The following HTR1F variants were observed in gnomAD, a reference collection of about 807,000 sequenced individuals.
The protein encoded by HTR1F is 5-hydroxytryptamine receptor 1F.
HTR1F carries 17 observed loss-of-function variants against 24.0 expected under a neutral mutation model. The observed-to-expected ratio is 0.71, with a 90% CI of 0.48 to 1.06. The LOEUF (loss-of-function observed/expected upper bound fraction) is 1.06, where lower values mean the gene tolerates loss of function less well. Among genes scored for constraint, HTR1F ranks in the 50% least tolerant of loss-of-function variants. The probability of loss-of-function intolerance (pLI) is 0.00; values close to 1 mark genes in which losing one functional copy is unlikely to be tolerated. For missense variants in HTR1F, 391 were observed against 427.8 expected (o/e 0.91, Z 0.76); for synonymous variants, 186 against 156.8 (o/e 1.19, Z -1.39).
At chr3:87,913,504 T>C (rs1460048591) in intron 2 of HTR1F, among the ~76,000 whole-genome samples, 1 of 152,132 alleles carries the variant, frequency 6.6e-6, no homozygotes, top group Admixed American at 6.6e-5. Flanking sequence ...AGTTCAACCA[T>C]TGTGAAAGAC....
chr3:87,814,502 A>T (rs565478306), intron 1 of HTR1F, among the ~76,000 whole-genome samples: 9 of 152,196 alleles, frequency 5.9e-5, no homozygotes, highest in African/African-American at 2.2e-4. Context: ...TATCCAACTC[A>T]TATTTTTGTA....
chr3:87,952,493 C>T (rs77664050), intron 2 of HTR1F, among the ~76,000 whole-genome samples: 4,798 of 151,970 alleles, frequency 0.032, 102 homozygotes, highest in Non-Finnish European at 0.048. Context: ...GTGTCTTCCT[C>T]ATAAAAGTAT....
chr3:87,969,136 T>G (rs947073528), intron 2 of HTR1F, among the ~76,000 whole-genome samples: 1 of 152,200 alleles, frequency 6.6e-6, no homozygotes, highest in African/African-American at 2.4e-5. Context: ...GAAGCCCTCA[T>G]GAAGAACCTC....
At chr3:87,912,513 T>A (rs1703800264) in intron 2 of HTR1F, among the ~76,000 whole-genome samples, 1 of 150,738 alleles carries the variant, frequency 6.6e-6, no homozygotes. Flanking sequence ...ATTTACAGAT[T>A]CAATGCTATT....
At chr3:87,946,378 C>T (rs1253609816) in intron 2 of HTR1F, among the ~76,000 whole-genome samples, 1 of 151,832 alleles carries the variant, frequency 6.6e-6, no homozygotes, top group Non-Finnish European at 1.5e-5. Flanking sequence ...AAGAGGGTAG[C>T]CTGAAAAATA....
At chr3:87,935,406 C>CT (rs1008588125) in intron 2 of HTR1F, among the ~76,000 whole-genome samples, 1 of 151,842 alleles carries the variant, frequency 6.6e-6, no homozygotes, top group Non-Finnish European at 1.5e-5. Context: ...GAGCAGGCAA[C>CT]TTTTTTTTCC....
At chr3:87,924,858 G>T (rs1206527820) in intron 2 of HTR1F, among the ~76,000 whole-genome samples, 2 of 151,802 alleles carry the variant, frequency 1.3e-5, no homozygotes, top group Admixed American at 6.6e-5. Context: ...GACATTTTGG[G>T]GTTCAATCTA....
At chr3:87,883,435 C>T (rs1705857460) in intron 2 of HTR1F, among the ~76,000 whole-genome samples, 1 of 152,224 alleles carries the variant, frequency 6.6e-6, no homozygotes, top group South Asian at 2.1e-4. Context: ...ATTACAGCTC[C>T]TTGCCAGCAA....
chr3:87,966,741 G>A (rs1393920), intron 2 of HTR1F, among the ~76,000 whole-genome samples: 74,140 of 151,904 alleles, frequency 0.49, 20,961 homozygotes, highest in African/African-American at 0.8. Flanking sequence ...TTGTCAGGGC[G>A]TGGAAAATTT....
Position 87,987,817 on chromosome 3 carries a change from TTA to T in HTR1F, c.-42-2880_-42-2879del, listed in dbSNP as rs1204890623. ...ATAAAATATATGTATTATATATGTA[TTA>T]TATATATATAAAATATATGTATTAT... On this transcript the variant is annotated intron_variant, in intron 2 of 2. Coordinates refer to ENST00000319595, the MANE Select transcript of HTR1F (RefSeq NM_001322209.2). Among the ~76,000 whole-genome samples the T allele has an allele frequency of 5.8e-4, 84 of 143,846 alleles. 1 individual carries two copies. The highest frequency in any genetic ancestry group is 6.2e-4 in the Non-Finnish European group (41 of 66,070). The allele number at this position is 143,846 out of a possible 152,430, so 94.4% of individuals were successfully genotyped here.
At chr3:87,972,356 T>G (rs1018660992) in intron 2 of HTR1F, among the ~76,000 whole-genome samples, 3 of 152,234 alleles carry the variant, frequency 2.0e-5, no homozygotes, top group African/African-American at 4.8e-5. Flanking sequence ...AAATTTGAAG[T>G]GTTTTATTAG....
chr3:87,888,620 T>C (rs757035637), intron 2 of HTR1F, among the ~76,000 whole-genome samples: 1 of 152,180 alleles, frequency 6.6e-6, no homozygotes, highest in African/African-American at 2.4e-5. Flanking sequence ...AATCTGGTTA[T>C]TGAATTATAT....
In HTR1F at chr3:87,866,796, G is replaced by A. The variant is rs552282494; in HGVS notation, c.-43+44672G>A. Among the ~76,000 whole-genome samples the A allele has an allele frequency of 3.3e-5, 5 of 149,496 alleles. No homozygotes were observed. In the East Asian group the frequency reaches 7.9e-4, roughly 24 times the overall value. ...GTTCGGGTTAGAATTTATTAGAGGT[G>A]TACATGGGCACAAGTGTGCGTGCGT... On this transcript the variant is annotated intron_variant, in intron 2 of 2. Transcript: ENST00000319595.
chr3:87,933,921 C>A (rs1428769683), intron 2 of HTR1F, among the ~76,000 whole-genome samples: 3 of 152,184 alleles, frequency 2.0e-5, no homozygotes, highest in Non-Finnish European at 4.4e-5. Context: ...GAAGATAAGA[C>A]TCCCTGGGAT....
intron 2 of HTR1F, among the ~76,000 whole-genome samples, chr3:87,832,282 A>G: frequency 6.6e-6 from 1 of 151,438 alleles, no homozygotes; most frequent in Admixed American, 6.6e-5. Context: ...AATATGTATT[A>G]TACACACAAA....
rs113967139 is a variant in HTR1F, at chr3:87,830,246, T to C, written c.-43+8122T>C. Among the ~76,000 whole-genome samples, 65 of 152,280 alleles carry C rather than the reference T, an allele frequency of 4.3e-4. 1 individual carries two copies. Among genetic ancestry groups the C allele is most frequent in the African/African-American group, 1.5e-3 (63 of 41,562 alleles). On this transcript the variant is annotated intron_variant, in intron 2 of 2. Coordinates refer to ENST00000319595, the MANE Select transcript of HTR1F (RefSeq NM_001322209.2). ...CAAAAATATATGTGTCCTGGTATTA[T>C]ATCATTCTGGTGTAAAAGGTAGAAC...
At chr3:87,811,829 C>T (rs919747499) in intron 1 of HTR1F, among the ~76,000 whole-genome samples, 21 of 152,188 alleles carry the variant, frequency 1.4e-4, no homozygotes, top group Admixed American at 1.3e-4. Context: ...CAAATCTCAT[C>T]TTGAATTGTA....
chr3:87,948,689 C>T (rs1278495962), intron 2 of HTR1F, among the ~76,000 whole-genome samples: 2 of 152,092 alleles, frequency 1.3e-5, no homozygotes, highest in African/African-American at 4.8e-5. Context: ...TCATGTTGCC[C>T]AGGCTGGTCT....
rs192042604 is a variant in HTR1F at position 87,839,250 on chromosome 3, T to C, written c.-43+17126T>C. Among the ~76,000 whole-genome samples, 15 of 152,222 alleles carry C rather than the reference T, an allele frequency of 9.9e-5. No homozygotes were observed. In the East Asian group the frequency reaches 1.7e-3, roughly 18 times the overall value. On this transcript the variant is annotated intron_variant, in intron 2 of 2. Transcript: ENST00000319595. ...TTCATTTTGAGTTGCTCATTGTAGATAGTGTAAGATAAGGGCCTAATTTCA... is the reference window on the plus strand; with the variant it reads ...TTCATTTTGAGTTGCTCATTGTAGACAGTGTAAGATAAGGGCCTAATTTCA...
Sources: gnomAD v4.1 joint callset for allele counts (sites outside exome capture counted in the v4.1 genomes callset) on GRCh38, gnomAD v4.1.1 for gene constraint, MANE v1.5 for transcripts, NCBI Gene and HGNC (gene_info 2026-07-23, HGNC 2026-07-21) for gene names.